Variants in FANCA observed in about 807,000 individuals in gnomAD.
FANCA encodes FA complementation group A.
Under a neutral mutation model 194.3 loss-of-function variants are expected in FANCA, and 236 were observed. That is an observed-to-expected ratio of 1.21 (90% CI 1.09 to 1.35). FANCA has a LOEUF of 1.35. Among genes scored for constraint, FANCA ranks in the 40% most tolerant of loss-of-function variants. FANCA has a pLI of 0.00. For synonymous variants in FANCA, 1,014 were observed against 715.8 expected, an observed-to-expected ratio of 1.42 and a Z score of -6.65; for missense variants, 2,628 against 1,813.9, an observed-to-expected ratio of 1.45 and a Z score of -8.15.
At chr16:89,780,391 C>T (rs1390227432) in intron 17 of FANCA, among the ~76,000 whole-genome samples, 1 of 152,102 alleles carries the variant, frequency 6.6e-6, no homozygotes. Flanking sequence ...AGAGGCTAAG[C>T]GGGGCAGACT....
In FANCA at chr16:89,745,025, C is replaced by T. The variant is rs1003650178; in HGVS notation, c.3560G>A (p.Arg1187Lys). The T allele has an allele frequency of 3.1e-6, 5 of 1,610,458 alleles. No homozygotes were observed. The African/African-American group carries it at 6.7e-5, about 21-fold the overall frequency. ...CCGGGGCAGCGGGCTCTGGCAGTGT[C>T]TCCTCCACCGGCAGAGCAGCACAGG... The part of the protein sequence containing the change: ...LEPVLLCRWR[R>K]HCQSPLPREL... Residue 1187 changes from arginine (R) to lysine (K), a missense_variant, in exon 36 of 43, where the codon AGA becomes AAA. By Grantham distance (26) the Arg-to-Lys change is conservative (BLOSUM62 2). Transcript: ENST00000389301.
chr16:89,768,172 G>A (rs2039195329), intron 26 of FANCA, among the ~76,000 whole-genome samples: 1 of 152,046 alleles, frequency 6.6e-6, no homozygotes, highest in Non-Finnish European at 1.5e-5. Context: ...TCAGCTACTG[G>A]GAGGCTGAGG....
rs2040354209 is a variant in FANCA, at chr16:89,799,194, A to T, written c.865T>A (p.Ser289Thr). 1 of 1,614,046 alleles carries T rather than the reference A, an allele frequency of 6.2e-7. No homozygotes were observed. Among genetic ancestry groups the T allele is most frequent in the South Asian group, 1.1e-5 (1 of 91,076 alleles). Residue 289 changes from serine to threonine, a missense_variant, in exon 10 of 43, where the codon TCC (serine) becomes ACC (threonine). By Grantham distance (58) the Ser-to-Thr change is moderately conservative. Coordinates refer to ENST00000389301, the MANE Select transcript of FANCA (RefSeq NM_000135.4). ...DALAAGVQEE[S>T]STHKIVRCWF... is the part of the protein sequence containing the mutation. ...CACCTCACGATCTTGTGAGTGGAGG[A>T]CTCCTCCTGTACTCCAGCAGCCAAA...
Position 89,770,585 on chromosome 16 carries a change from G to T in FANCA, c.2201C>A (p.Ser734Tyr), listed in dbSNP as rs753460067. 1 of 1,611,478 alleles carries T rather than the reference G, an allele frequency of 6.2e-7. No homozygotes were observed. Among genetic ancestry groups the T allele is most frequent in the African/African-American group, 1.3e-5 (1 of 74,888 alleles). ...TCACCTCTCCGGGGGAGCGACACTG[G>T]AGGCAGCCATCAGGTTCTGACAGAA... ...TSFCQNLMAA[S>Y]SVAPPERQGP... The change falls in exon 24 of 43, where the codon TCC (serine) becomes TAC (tyrosine). Residue 734 changes from serine (S) to tyrosine (Y), a missense_variant. Coordinates refer to ENST00000389301, the MANE Select transcript of FANCA (RefSeq NM_000135.4).
At chr16:89,787,098 G>A (rs955768519) in intron 14 of FANCA, among the ~76,000 whole-genome samples, 2 of 152,214 alleles carry the variant, frequency 1.3e-5, no homozygotes, top group African/African-American at 2.4e-5. Flanking sequence ...TAGAGTTGCT[G>A]AGATAAAAGG....
rs17225740 is a variant in FANCA, at chr16:89,814,785, AC to A, written c.190-173del. Among the ~76,000 whole-genome samples the A allele has an allele frequency of 0.05, 7,674 of 152,020 alleles. 678 individuals carry two copies. The highest frequency in any genetic ancestry group is 0.18 in the African/African-American group (7,295 of 41,420). On this transcript the variant is annotated intron_variant, in intron 2 of 42. Coordinates refer to ENST00000389301, the MANE Select transcript of FANCA (RefSeq NM_000135.4). ...GTGAAACCCTGTCTCTACTAAAAAT[AC>A]AAAAATTAGGAGGGCATGGTGGCGC...
chr16:89,778,393 G>C, intron 20 of FANCA: 1 of 370,298 alleles, frequency 2.7e-6, no homozygotes, highest in Non-Finnish European at 5.2e-6. Context: ...TCCAACCCAG[G>C]AGGCAGAGCT....
intron 11 of FANCA, among the ~76,000 whole-genome samples, chr16:89,794,508 C>T (rs778102839): frequency 5.9e-5 from 9 of 152,042 alleles, no homozygotes; most frequent in Non-Finnish European, 1.3e-4. Context: ...CACACTCCAG[C>T]CTGGGCAACA....
At position 89,745,012 on chromosome 16, in the gene FANCA, G is replaced by C. The variant is rs1343507198; in HGVS notation, c.3573C>G (p.Ser1191Arg). 6.2e-7 allele frequency: 1 copy of C among 1,610,960 alleles called. No homozygotes were observed. Among genetic ancestry groups the C allele is most frequent in the Admixed American group, 1.7e-5 (1 of 60,006 alleles). Residue 1191 changes from serine to arginine, a missense_variant, in exon 36 of 43, where the codon AGC (serine) becomes AGG (arginine). By Grantham distance (110) the Ser-to-Arg change is moderately radical. Transcript: ENST00000389301. ...LLCRWRRHCQ[S>R]PLPRELQKLQ... The stretch of plus-strand genomic sequence containing the variant: ...GCTTCTGCAGTTCCCGGGGCAGCGG[G>C]CTCTGGCAGTGTCTCCTCCACCGGC...
chr16:89,769,611 G>C (rs529711332), intron 26 of FANCA: 1 of 599,404 alleles, frequency 1.7e-6, no homozygotes, highest in South Asian at 2.0e-5. Context: ...ATTAATTTCA[G>C]CAGTTTAGTA....
intron 14 of FANCA, chr16:89,790,992 C>T (rs1257232949): frequency 1.2e-5 from 3 of 249,016 alleles, no homozygotes; most frequent in Non-Finnish European, 2.3e-5. Context: ...ACCACACCTG[C>T]GTAGTTTTTG....
chr16:89,791,772 T>C, intron 13 of FANCA, 155 bp downstream of exon 13: 1 of 1,065,328 alleles, frequency 9.4e-7, no homozygotes, highest in Non-Finnish European at 1.4e-6. Context: ...TGGAAGCGTC[T>C]GACAAAGAAT....
intron 6 of FANCA, 80 bp downstream of exon 6, chr16:89,808,214 C>T (rs768027516): frequency 1.8e-5 from 24 of 1,360,062 alleles, no homozygotes; most frequent in Non-Finnish European, 2.4e-5. Flanking sequence ...TCAAACCCGT[C>T]TGATTCTGGG....
chr16:89,805,444 G>A, intron 6 of FANCA, 52 bp from the exon 7 acceptor site: 3 of 1,440,958 alleles, frequency 2.1e-6, no homozygotes, highest in Non-Finnish European at 2.9e-6. Context: ...CCCATCATCA[G>A]GGGATTGAGT....
At chr16:89,797,993 G>C (rs2040306157) in intron 10 of FANCA, among the ~76,000 whole-genome samples, 1 of 152,160 alleles carries the variant, frequency 6.6e-6, no homozygotes, top group South Asian at 2.1e-4. Context: ...ATCAGTGTGA[G>C]TAATCTTATC....
rs1386055678 is a variant in FANCA at position 89,738,115 on chromosome 16, C to G, written c.*486G>C. 1.9e-6 allele frequency: 3 copies of G among 1,613,804 alleles called. No individual in the cohort carries two copies. The highest frequency in any genetic ancestry group is 2.7e-5 in the African/African-American group (2 of 74,928). Reference sequence around the variant, plus strand: ...TGAGAAGGCCCACAACCTCAATGTACACATGTCCATGGTGCACCCGCTGAC... The same window carrying G: ...TGAGAAGGCCCACAACCTCAATGTAGACATGTCCATGGTGCACCCGCTGAC... On this transcript the variant is annotated 3_prime_UTR_variant, in exon 43 of 43. Coordinates refer to ENST00000389301, the MANE Select transcript of FANCA (RefSeq NM_000135.4).
At chr16:89,799,023 C>T in intron 10 of FANCA, 143 bp downstream of exon 10, 1 of 1,614,238 alleles carries the variant, frequency 6.2e-7, no homozygotes, top group Non-Finnish European at 8.5e-7. Context: ...GCCTCCTCCT[C>T]ACGCACGTTA....
chr16:89,737,682 C>A lies in FANCA; in HGVS notation c.*919G>T. On this transcript the variant is annotated 3_prime_UTR_variant, in exon 43 of 43. Coordinates refer to ENST00000389301, the MANE Select transcript of FANCA (RefSeq NM_000135.4). ...GCCCTCATAGGCCCCTTGCTTGGGC[C>A]CACTGCATGGTGAACCATGTGCAGA... 1 of 1,542,202 alleles carries A rather than the reference C, an allele frequency of 6.5e-7. No homozygotes were observed. The highest frequency in any genetic ancestry group is 1.2e-5 in the South Asian group (1 of 80,446).
intron 36 of FANCA, 72 bp from the exon 37 acceptor site, chr16:89,743,010 A>C: frequency 6.4e-7 from 1 of 1,558,738 alleles, no homozygotes. Flanking sequence ...CCAAGTCCTT[A>C]TTCCCACCTG....
Sources: allele counts gnomAD v4.1 joint callset (sites outside exome capture counted in the v4.1 genomes callset), GRCh38; gene constraint gnomAD v4.1.1; transcripts MANE v1.5; gene names NCBI Gene and HGNC (gene_info 2026-07-23, HGNC 2026-07-21).